GAD1: variants seen among roughly 807,000 people sequenced by gnomAD.
GAD1 encodes 67 kDa glutamic acid decarboxylase.
In GAD1, 35 loss-of-function variants were observed where a neutral mutation model predicts 75.2. That is an observed-to-expected ratio of 0.47 (90% CI 0.36 to 0.62). GAD1 has a LOEUF of 0.62. Among genes scored for constraint, GAD1 ranks in the 20% least tolerant of loss-of-function variants. The pLI is 0.00. For synonymous variants in GAD1, 257 were observed against 271.9 expected, an observed-to-expected ratio of 0.95 and a Z score of 0.54; for missense variants, 490 against 758.5, an observed-to-expected ratio of 0.65 and a Z score of 4.16.
chr2:170,853,530 C>T lies in GAD1; in HGVS notation c.1264-343C>T. ...AATTCTTCACAGCATGAAACTATCC[C>T]ACCCACTGAGGAATTTTCTATCTCT... is the stretch of plus-strand genomic sequence containing the variant. On this transcript the variant is annotated intron_variant, in intron 13 of 16. Transcript: ENST00000358196. This position sits in a 1 kb window ranked among gnomAD's most constrained non-coding sequence, Gnocchi z 4.1. The T allele has an allele frequency of 6.4e-6, 2 of 314,510 alleles. No individual in the cohort carries two copies. The highest frequency in any genetic ancestry group is 1.2e-5 in the Non-Finnish European group (2 of 160,546). The allele number at this position is 314,510 out of a possible 1,614,324, so 19.5% of individuals were successfully genotyped here.
chr2:170,817,766 G>A (rs1365169260), intron 1 of GAD1: 1 of 152,428 alleles, frequency 6.6e-6, no homozygotes, highest in African/African-American at 2.4e-5. Context: ...TCCTCAGGGG[G>A]CTAGGTAGAG....
chr2:170,848,937 A>G (rs1001813107), intron 11 of GAD1: 2 of 418,952 alleles, frequency 4.8e-6, no homozygotes, highest in African/African-American at 4.1e-5. Flanking sequence ...TTTTTTGAGC[A>G]GCTTCCAGAG....
chr2:170,857,191 G>T lies in GAD1; in HGVS notation c.1521+66G>T, dbSNP rs190564730. 1.3e-5 allele frequency: 17 copies of T among 1,269,370 alleles called. No individual in the cohort carries two copies. The East Asian group carries it at 3.2e-4, about 24-fold the overall frequency. The allele number at this position is 1,269,370 out of a possible 1,614,324, so 78.6% of individuals were successfully genotyped here. On this transcript the variant is annotated intron_variant, in intron 15 of 16. Coordinates refer to ENST00000358196, the MANE Select transcript of GAD1 (RefSeq NM_000817.3). Reference sequence around the variant, plus strand: ...AAAACTGCTGAGGGAAGCTCCTGAAGCTTCTGGCAACATGGGAAAATCAAT... The same window carrying T: ...AAAACTGCTGAGGGAAGCTCCTGAATCTTCTGGCAACATGGGAAAATCAAT...
chr2:170,815,228 A>G (rs45628439), upstream of GAD1, among the ~76,000 whole-genome samples: 2 of 152,134 alleles, frequency 1.3e-5, no homozygotes, highest in Non-Finnish European at 2.9e-5. Flanking sequence ...TACGTGGAGC[A>G]GACACCCCCA....
rs986039793 is a variant in GAD1, at chr2:170,859,922, C to T, written c.*40C>T. ...ACATGAGTTTATGGGAATGCCTTTT[C>T]CCTCTGGCACTCCAGAACAAACCTC... On this transcript the variant is annotated 3_prime_UTR_variant, in exon 17 of 17. Coordinates refer to ENST00000358196, the MANE Select transcript of GAD1 (RefSeq NM_000817.3). The T allele has an allele frequency of 6.3e-7, 1 of 1,587,908 alleles. No homozygotes were observed. The highest frequency in any genetic ancestry group is 8.6e-7 in the Non-Finnish European group (1 of 1,159,068).
chr2:170,818,545 A>T lies in GAD1; in HGVS notation c.-47A>T. 6.5e-7 allele frequency: 1 copy of T among 1,546,416 alleles called. No homozygotes were observed. Among genetic ancestry groups the T allele is most frequent in the Non-Finnish European group, 8.9e-7 (1 of 1,118,344 alleles). On this transcript the variant is annotated 5_prime_UTR_variant, in exon 2 of 17. Transcript: ENST00000358196. This position sits in a 1 kb window ranked among gnomAD's most constrained non-coding sequence, Gnocchi z 5.9. ...TCTTTGCAGCCTGTTTCTGCGCCGG[A>T]CCAGTCGAGGACTCTGGACAGTAGA...
At chr2:170,832,678 A>G (rs1474601936) in intron 5 of GAD1, among the ~76,000 whole-genome samples, 2 of 151,968 alleles carry the variant, frequency 1.3e-5, no homozygotes, top group African/African-American at 2.4e-5. Flanking sequence ...ACACACACAC[A>G]CACACACACA....
intron 7 of GAD1, among the ~76,000 whole-genome samples, chr2:170,844,426 T>G (rs925173779): frequency 4.4e-4 from 59 of 133,608 alleles, no homozygotes; most frequent in Non-Finnish European, 7.5e-4. Flanking sequence ...TTTTTTTTTT[T>G]GAGACAGGGT....
Position 170,849,346 on chromosome 2 carries a change from G to A in GAD1, c.1180G>A (p.Glu394Lys). 1 of 1,614,144 alleles carries A rather than the reference G, an allele frequency of 6.2e-7. No individual in the cohort carries two copies. Reference protein sequence around the residue: ...RKHRHKLNGIERANSVTWNPH... With the variant: ...RKHRHKLNGIKRANSVTWNPH... ...GCACCGCCATAAACTCAACGGCATA[G>A]AAAGGTAACGGCCAGAACTCGCCAG... The change falls in exon 12 of 17, where the codon GAA (glutamate) becomes AAA (lysine). Residue 394 changes from glutamate (E) to lysine (K), a missense_variant. Around this residue, in one of 3 missense-constraint regions of GAD1, gnomAD observed 324 missense variants for 523.9 expected, o/e 0.62. Transcript: ENST00000358196.
At chr2:170,852,931 C>A in intron 13 of GAD1, 139 bp downstream of exon 13, 1 of 744,308 alleles carries the variant, frequency 1.3e-6, no homozygotes, top group South Asian at 1.5e-5. Flanking sequence ...CTGCTGCTGT[C>A]CTTTCCTGCC....
chr2:170,848,225 C>T (rs1051231194), intron 11 of GAD1, among the ~76,000 whole-genome samples: 27 of 152,290 alleles, frequency 1.8e-4, no homozygotes, highest in East Asian at 1.2e-3. Context: ...TGGCTGGGCG[C>T]GGTGGCTCAC....
chr2:170,846,246 GT>G (rs1307313789), intron 10 of GAD1, among the ~76,000 whole-genome samples, 183 bp downstream of exon 10: 1 of 152,034 alleles, frequency 6.6e-6, no homozygotes, highest in African/African-American at 2.4e-5. Context: ...CAATATCAGG[GT>G]TTTTTTAAAA....
chr2:170,826,657 G>A (rs144948472), intron 3 of GAD1, among the ~76,000 whole-genome samples: 724 of 151,912 alleles, frequency 4.8e-3, no homozygotes, highest in Non-Finnish European at 8.3e-3. Context: ...ACCTCAAGCC[G>A]AGTTTCTGCT....
chr2:170,840,134 G>A lies in GAD1; in HGVS notation c.638+3251G>A, dbSNP rs183068267. Among the ~76,000 whole-genome samples the A allele has an allele frequency of 1.9e-3, 287 of 152,260 alleles. 1 individual carries two copies. The highest frequency in any genetic ancestry group is 2.9e-3 in the Non-Finnish European group (196 of 68,010). On this transcript the variant is annotated intron_variant, in intron 6 of 16. Coordinates refer to ENST00000358196, the MANE Select transcript of GAD1 (RefSeq NM_000817.3). The stretch of plus-strand genomic sequence containing the variant: ...CTCTGAACCTCAGTTTTCTCATCAG[G>A]AAAATGGAGGATAATAGTATCCATC...
chr2:170,829,078 CCTCCTT>C (rs1702149789), intron 3 of GAD1: 1 of 328,414 alleles, frequency 3.0e-6, no homozygotes, highest in Admixed American at 4.4e-5. Context: ...TCTCTCCCCT[CCTCCTT>C]CTGCTTATAC....
intron 3 of GAD1, among the ~76,000 whole-genome samples, chr2:170,825,189 T>C (rs1701994822): frequency 6.6e-6 from 1 of 152,018 alleles, no homozygotes; most frequent in Admixed American, 6.6e-5. Flanking sequence ...AGTTTGAGAC[T>C]AGCCTGAGCA....
At chr2:170,845,843 A>C in intron 9 of GAD1, 58 bp downstream of exon 9, 1 of 1,563,744 alleles carries the variant, frequency 6.4e-7, no homozygotes, top group Non-Finnish European at 8.8e-7. Flanking sequence ...TCATCTGTTA[A>C]ATTTGTTTTA....
chr2:170,852,582 TG>T, intron 12 of GAD1, 131 bp from the exon 13 acceptor site: 1 of 762,002 alleles, frequency 1.3e-6, no homozygotes, highest in Non-Finnish European at 2.3e-6. Flanking sequence ...GTTTGCTACT[TG>T]ATTAGTCAAT....
intron 3 of GAD1, among the ~76,000 whole-genome samples, chr2:170,826,333 G>A (rs1481691016): frequency 4.6e-5 from 7 of 152,028 alleles, no homozygotes; most frequent in East Asian, 1.9e-4. Flanking sequence ...TTGGGAGGCC[G>A]AGACAGGTGG....
Sources: gnomAD v4.1 joint callset for allele counts (sites outside exome capture counted in the v4.1 genomes callset) on GRCh38, gnomAD v4.1.1 for gene constraint, gnomAD v4.1.1 regional missense constraint, Gnocchi (gnomAD v3.1) non-coding constraint, MANE v1.5 for transcripts, NCBI Gene and HGNC (gene_info 2026-07-23, HGNC 2026-07-21) for gene names.